ZNF365: variants seen among roughly 807,000 people sequenced by gnomAD.
The protein encoded by ZNF365 is zinc finger protein 365, also known as protein ZNF365.
Under a neutral mutation model 35.0 loss-of-function variants are expected in ZNF365, and 22 were observed. The ratio of observed to expected loss-of-function variants is 0.63; its 90% CI spans 0.45 to 0.90. The LOEUF is 0.90. ZNF365 is among the 40% of genes least tolerant of loss of function. The pLI is 0.00. For missense variants in ZNF365, 448 were observed against 500.3 expected (o/e 0.90, Z 1.00); for synonymous variants, 188 against 196.2 (o/e 0.96, Z 0.35).
intron 4 of ZNF365, among the ~76,000 whole-genome samples, chr10:62,475,181 C>G (rs2132494383): frequency 6.6e-6 from 1 of 152,322 alleles, no homozygotes; most frequent in East Asian, 1.9e-4. Flanking sequence ...GTCATCATCA[C>G]TTAATTCCTC....
chr10:62,429,358 T>C (rs1840300927), intron 3 of ZNF365, among the ~76,000 whole-genome samples: 1 of 152,214 alleles, frequency 6.6e-6, no homozygotes, highest in South Asian at 2.1e-4. Flanking sequence ...TTTCATTATA[T>C]TAAAAAACAG....
chr10:62,472,130 T>A (rs1052646465), intron 4 of ZNF365, among the ~76,000 whole-genome samples: 10 of 152,192 alleles, frequency 6.6e-5, no homozygotes, highest in African/African-American at 2.4e-4. Context: ...ATAGATTACA[T>A]TTACCGTTTT....
downstream of ZNF365, among the ~76,000 whole-genome samples, chr10:62,406,562 C>T (rs1839908239): frequency 6.6e-6 from 1 of 152,090 alleles, no homozygotes; most frequent in African/African-American, 2.4e-5. Context: ...AGTATGGGAA[C>T]ATCAGTGGCC....
intron 2 of ZNF365, among the ~76,000 whole-genome samples, chr10:62,377,281 A>G (rs1839353863): frequency 1.3e-5 from 2 of 152,236 alleles, no homozygotes; most frequent in African/African-American, 4.8e-5. Context: ...ATGGGAAGGC[A>G]GAAAGGGTGA....
chr10:62,435,255 A>G (rs1020333508), intron 3 of ZNF365, among the ~76,000 whole-genome samples: 2 of 152,206 alleles, frequency 1.3e-5, no homozygotes, highest in Non-Finnish European at 2.9e-5. Flanking sequence ...ATTGAGGTCC[A>G]GGGAGGATAA....
intron 3 of ZNF365, among the ~76,000 whole-genome samples, chr10:62,454,392 T>C (rs538481450): frequency 6.6e-6 from 1 of 152,288 alleles, no homozygotes; most frequent in East Asian, 1.9e-4. Context: ...CCCAATATAT[T>C]CTAAAATTTC....
intron 3 of ZNF365, among the ~76,000 whole-genome samples, chr10:62,427,249 T>G (rs1276326227): frequency 6.6e-6 from 1 of 152,242 alleles, no homozygotes; most frequent in African/African-American, 2.4e-5. Context: ...ACCTCATCTA[T>G]GATGGCGGTC....
At position 62,473,044 on chromosome 10, in the gene ZNF365, G is replaced by T. The variant is rs570646907; in HGVS notation, c.982-6832G>T. Among the ~76,000 whole-genome samples the T allele has an allele frequency of 5.9e-5, 9 of 151,942 alleles. No individual in the cohort carries two copies. In the South Asian group the frequency reaches 1.9e-3, roughly 32 times the overall value. ...CATCTCCAATTTAGGTTTTTATTTCGTTTCATCGGCCATACGCCCCTTGGG... is the reference window on the plus strand; with the variant it reads ...CATCTCCAATTTAGGTTTTTATTTCTTTTCATCGGCCATACGCCCCTTGGG... On this transcript the variant is annotated intron_variant, in intron 4 of 4. Transcript: ENST00000395255.
At chr10:62,449,898 A>G (rs1304892829) in intron 3 of ZNF365, among the ~76,000 whole-genome samples, 1 of 152,038 alleles carries the variant, frequency 6.6e-6, no homozygotes, top group Non-Finnish European at 1.5e-5. Context: ...CTCATTGCCA[A>G]AGTGAATGAG....
At chr10:62,388,991 C>T (rs191946523) in intron 3 of ZNF365, among the ~76,000 whole-genome samples, 27 of 152,200 alleles carry the variant, frequency 1.8e-4, no homozygotes, top group African/African-American at 6.5e-4. Flanking sequence ...ACCACATACA[C>T]ATTTTTTTCC....
At chr10:62,388,957 C>T (rs139018155) in intron 3 of ZNF365, among the ~76,000 whole-genome samples, 3,125 of 152,202 alleles carry the variant, frequency 0.021, 78 homozygotes, top group Non-Finnish European at 0.028. Context: ...GAGAATCTTA[C>T]GAAATTCAGT....
intron 2 of ZNF365, among the ~76,000 whole-genome samples, chr10:62,382,864 A>AT (rs1839463264): frequency 6.6e-6 from 1 of 152,142 alleles, no homozygotes; most frequent in Admixed American, 6.5e-5. Context: ...AGCTGGAGGT[A>AT]TTTTTACCGT....
chr10:62,408,916 G>A (rs561222348), intron 3 of ZNF365, among the ~76,000 whole-genome samples: 11 of 152,196 alleles, frequency 7.2e-5, no homozygotes, highest in Admixed American at 5.9e-4. Flanking sequence ...TCAAGATAGC[G>A]TCTCTGATCT....
chr10:62,462,978 G>A (rs768587384), intron 4 of ZNF365, among the ~76,000 whole-genome samples: 1 of 152,160 alleles, frequency 6.6e-6, no homozygotes, highest in Non-Finnish European at 1.5e-5. Context: ...AAGCCGTAAA[G>A]GTTGAACTAT....
At chr10:62,398,851 A>G in intron 4 of ZNF365, 74 bp downstream of exon 4, 1 of 1,383,556 alleles carries the variant, frequency 7.2e-7, no homozygotes, top group East Asian at 2.4e-5. Context: ...ATTTTATATG[A>G]GATCGTATCT....
At chr10:62,453,088 T>G (rs183596899) in intron 3 of ZNF365, among the ~76,000 whole-genome samples, 104 of 152,368 alleles carry the variant, frequency 6.8e-4, no homozygotes, top group African/African-American at 2.2e-3. Context: ...TTTGGTAGAA[T>G]AGCTGGAATA....
intron 3 of ZNF365, among the ~76,000 whole-genome samples, chr10:62,438,616 G>A (rs879918165): frequency 3.3e-5 from 5 of 152,116 alleles, no homozygotes; most frequent in Admixed American, 6.6e-5. Flanking sequence ...AGAATAACTG[G>A]CATTAAGGAA....
At chr10:62,428,541 C>T (rs549640271) in intron 3 of ZNF365, among the ~76,000 whole-genome samples, 1 of 102,410 alleles carries the variant, frequency 9.8e-6, no homozygotes, top group African/African-American at 2.8e-5. Flanking sequence ...TTCCTGAGGC[C>T]TCCCCAGCCC....
chr10:62,441,650 T>C (rs1840503541), intron 3 of ZNF365, among the ~76,000 whole-genome samples: 1 of 152,180 alleles, frequency 6.6e-6, no homozygotes. Context: ...ATATTCTATA[T>C]CACTTGGCAT....
Sources: gnomAD v4.1 joint callset for allele counts (sites outside exome capture counted in the v4.1 genomes callset) on GRCh38, gnomAD v4.1.1 for gene constraint, MANE v1.5 for transcripts, NCBI Gene and HGNC (gene_info 2026-07-23, HGNC 2026-07-21) for gene names.